Variants in FREM3 observed in about 807,000 individuals in gnomAD.
FREM3 encodes FRAS1 related extracellular matrix 3.
Under a neutral mutation model 129.1 loss-of-function variants are expected in FREM3, and 105 were observed. The observed-to-expected ratio is 0.81, with a 90% CI of 0.69 to 0.96. The LOEUF is 0.96. Among genes scored for constraint, FREM3 ranks in the 40% least tolerant of loss-of-function variants. The probability of loss-of-function intolerance (pLI) is 0.00; values close to 1 mark genes in which losing one functional copy is unlikely to be tolerated. For missense variants in FREM3, 2,593 were observed against 2,666.3 expected, an observed-to-expected ratio of 0.97 and a Z score of 0.61; for synonymous variants, 1,014 against 1,044.9, an observed-to-expected ratio of 0.97 and a Z score of 0.57.
At chr4:143,639,499 G>A (rs7676225) in intron 2 of FREM3, among the ~76,000 whole-genome samples, 66,385 of 151,900 alleles carry the variant, frequency 0.44, 14,799 homozygotes, top group Middle Eastern at 0.49. Context: ...CAGGTTTAAC[G>A]TTCTGTGATT....
At chr4:143,664,189 C>T (rs77251385) in intron 2 of FREM3, among the ~76,000 whole-genome samples, 2 of 152,132 alleles carry the variant, frequency 1.3e-5, no homozygotes, top group African/African-American at 2.4e-5. Flanking sequence ...AGTTTTTCTG[C>T]TCTGTTTTTT....
At chr4:143,667,776 A>G (rs1739890292) in intron 2 of FREM3, among the ~76,000 whole-genome samples, 1 of 151,918 alleles carries the variant, frequency 6.6e-6, no homozygotes, top group African/African-American at 2.4e-5. Context: ...GCTCCTTGAA[A>G]CTCATTGTGT....
chr4:143,686,115 A>G (rs1740359630), intron 2 of FREM3, among the ~76,000 whole-genome samples: 1 of 152,184 alleles, frequency 6.6e-6, no homozygotes, highest in South Asian at 2.1e-4. Context: ...AACTTAGAGT[A>G]AAGGGGTGGA....
In FREM3 at chr4:143,697,087, A is replaced by G. The variant is rs1448550826; in HGVS notation, c.3589T>C (p.Phe1197Leu). The part of the protein sequence containing the change: ...LPTNDEQPKL[F>L]AHEFKVLEGM... Reference sequence around the variant, plus strand: ...TCTAGTACCTTAAACTCATGGGCAAAAAGTTTAGGCTGCTCATCATTGGTG... The same window carrying G: ...TCTAGTACCTTAAACTCATGGGCAAGAAGTTTAGGCTGCTCATCATTGGTG... Residue 1197 changes from phenylalanine (F) to leucine (L), a missense_variant, in exon 1 of 8, where the codon TTT becomes CTT. Phe to Leu is a conservative substitution (Grantham distance 22). Transcript: ENST00000329798. 1 of 1,537,684 alleles carries G rather than the reference A, an allele frequency of 6.5e-7. No individual in the cohort carries two copies. Among genetic ancestry groups the G allele is most frequent in the Non-Finnish European group, 8.7e-7 (1 of 1,146,996 alleles).
At chr4:143,665,893 A>G (rs955630352) in intron 2 of FREM3, among the ~76,000 whole-genome samples, 5 of 152,122 alleles carry the variant, frequency 3.3e-5, no homozygotes, top group African/African-American at 7.2e-5. Context: ...ACTGAAATGC[A>G]TATTATGTTT....
intron 2 of FREM3, among the ~76,000 whole-genome samples, chr4:143,636,420 G>A (rs1739235340): frequency 1.3e-5 from 2 of 151,052 alleles, no homozygotes; most frequent in South Asian, 4.2e-4. Flanking sequence ...GGACCAGCCA[G>A]TACAAGAAAA....
chr4:143,672,636 C>T (rs916518091), intron 2 of FREM3, among the ~76,000 whole-genome samples: 1 of 152,158 alleles, frequency 6.6e-6, no homozygotes, highest in Non-Finnish European at 1.5e-5. Context: ...TGAATGTTGG[C>T]CTGTCTGGCT....
In FREM3 at chr4:143,699,422, G is replaced by A; in HGVS notation, c.1254C>T (p.Pro418=). 2.0e-6 allele frequency: 3 copies of A among 1,537,318 alleles called. No homozygotes were observed. The highest frequency in any genetic ancestry group is 2.6e-6 in the Non-Finnish European group (3 of 1,146,928). Residue 418 remains proline (P), a synonymous_variant, in exon 1 of 8, where the codon CCC becomes CCT. Coordinates refer to ENST00000329798, the MANE Select transcript of FREM3 (RefSeq NM_001168235.2). The surrounding 1 kb of genome is among the most constrained non-coding windows in gnomAD (Gnocchi z 4.2). ...ATTTCACTGTCACCATGAAGGCAAA[G>A]GGGTCTGAGGCGGCGCCGTCTCCGT... ...VVDGDGAASD[P]FAFMVTVKSM...
At chr4:143,662,971 G>T (rs1578857392) in intron 2 of FREM3, among the ~76,000 whole-genome samples, 1 of 152,122 alleles carries the variant, frequency 6.6e-6, no homozygotes, top group South Asian at 2.1e-4. Context: ...TTGAGCCTAT[G>T]TGTATTTCTG....
In FREM3 at chr4:143,696,373, T is replaced by C; in HGVS notation, c.4303A>G (p.Thr1435Ala). ...GTCACTCTGGCACCTTCTATCAAGG[T>C]GATCCTTTTGCTGATTACCTCAGGG... is the stretch of plus-strand genomic sequence containing the variant. ...VFPEVISKRI[T>A]LIEGARVTLT... Residue 1435 changes from threonine to alanine, a missense_variant, in exon 1 of 8, where the codon ACC (threonine) becomes GCC (alanine). Thr to Ala is a moderately conservative substitution (Grantham distance 58). This residue lies in a region of FREM3 where 2,276 missense variants were observed against 2,267.2 expected (regional missense o/e 1.00). Coordinates refer to ENST00000329798, the MANE Select transcript of FREM3 (RefSeq NM_001168235.2). The C allele has an allele frequency of 6.5e-7, 1 of 1,537,466 alleles. No individual in the cohort carries two copies. The highest frequency in any genetic ancestry group is 8.7e-7 in the Non-Finnish European group (1 of 1,146,962).
At chr4:143,613,437 G>T (rs951502786) in intron 5 of FREM3, among the ~76,000 whole-genome samples, 1 of 152,146 alleles carries the variant, frequency 6.6e-6, no homozygotes, top group Non-Finnish European at 1.5e-5. Context: ...GGATAGGCTG[G>T]CTCTTGGGAT....
chr4:143,637,505 C>T lies in FREM3; in HGVS notation c.5276-9745G>A, dbSNP rs530727229. The stretch of plus-strand genomic sequence containing the variant: ...CACTTGATTGTCCAGTTCCATTTCT[C>T]AGGCTTTTGCTTAATTCACTTCTAT... On this transcript the variant is annotated intron_variant, in intron 2 of 7. Coordinates refer to ENST00000329798, the MANE Select transcript of FREM3 (RefSeq NM_001168235.2). Among the ~76,000 whole-genome samples the T allele has an allele frequency of 2.0e-5, 3 of 152,196 alleles. No homozygotes were observed. In the South Asian group the frequency reaches 6.2e-4, roughly 32 times the overall value.
At chr4:143,676,334 T>C (rs1740119892) in intron 2 of FREM3, among the ~76,000 whole-genome samples, 1 of 152,150 alleles carries the variant, frequency 6.6e-6, no homozygotes, top group Admixed American at 6.5e-5. Context: ...TTTGACAAAA[T>C]TCAACAACCC....
intron 2 of FREM3, among the ~76,000 whole-genome samples, chr4:143,676,212 C>T (rs1341481678): frequency 2.0e-5 from 3 of 152,056 alleles, no homozygotes; most frequent in East Asian, 3.8e-4. Flanking sequence ...TGGGCTTCAT[C>T]CCTGGGATGC....
At chr4:143,629,916 A>G (rs1739108242) in intron 2 of FREM3, among the ~76,000 whole-genome samples, 1 of 152,140 alleles carries the variant, frequency 6.6e-6, no homozygotes, top group Non-Finnish European at 1.5e-5. Context: ...AAACGCTTCA[A>G]AAGCAAAGTA....
intron 6 of FREM3, among the ~76,000 whole-genome samples, chr4:143,606,411 C>T (rs1287056873): frequency 6.6e-6 from 1 of 151,748 alleles, no homozygotes; most frequent in Non-Finnish European, 1.5e-5. Context: ...AGCTGCAACC[C>T]TTTTAAACTA....
At chr4:143,665,741 C>T (rs1439651874) in intron 2 of FREM3, among the ~76,000 whole-genome samples, 1 of 152,040 alleles carries the variant, frequency 6.6e-6, no homozygotes, top group Non-Finnish European at 1.5e-5. Flanking sequence ...CAAATTGTTT[C>T]CCCTCTGCCT....
intron 2 of FREM3, among the ~76,000 whole-genome samples, chr4:143,674,924 C>T (rs774468398): frequency 3.9e-5 from 6 of 152,212 alleles, no homozygotes; most frequent in Admixed American, 6.5e-5. Context: ...GAGACTTAGA[C>T]TCCCACACAA....
chr4:143,611,015 A>G (rs977294016), intron 6 of FREM3, among the ~76,000 whole-genome samples: 1 of 151,972 alleles, frequency 6.6e-6, no homozygotes, highest in East Asian at 1.9e-4. Flanking sequence ...GCTTCCTTCT[A>G]AGTCTTAAGT....
Sources: gnomAD v4.1 joint callset for allele counts (sites outside exome capture counted in the v4.1 genomes callset) on GRCh38, gnomAD v4.1.1 for gene constraint, gnomAD v4.1.1 regional missense constraint, Gnocchi (gnomAD v3.1) non-coding constraint, MANE v1.5 for transcripts, NCBI Gene and HGNC (gene_info 2026-07-23, HGNC 2026-07-21) for gene names.